Variants in OXR1 observed in about 807,000 individuals in gnomAD.
OXR1 encodes the protein oxidation resistance 1, also known as oxidation resistance protein 1.
OXR1 carries 41 observed loss-of-function variants against 104.6 expected under a neutral mutation model. The ratio of observed to expected loss-of-function variants is 0.39; its 90% CI spans 0.31 to 0.51. OXR1 has a LOEUF of 0.51. Ranked by LOEUF, OXR1 falls within the 20% of genes least tolerant of loss-of-function variation. The pLI, the probability that OXR1 is intolerant of heterozygous loss-of-function variation, is 0.77. For synonymous variants in OXR1, 348 were observed against 348.4 expected (o/e 1.00, Z 0.01); for missense variants, 955 against 1,031.9 (o/e 0.93, Z 1.02).
intron 2 of OXR1, among the ~76,000 whole-genome samples, chr8:106,476,615 C>T (rs941008422): frequency 1.3e-5 from 2 of 151,888 alleles, no homozygotes; most frequent in Admixed American, 6.6e-5. Flanking sequence ...AGGGCACTTT[C>T]ATCTGCACTA....
chr8:106,614,972 T>C (rs1821098563), intron 3 of OXR1, among the ~76,000 whole-genome samples: 2 of 152,184 alleles, frequency 1.3e-5, no homozygotes, highest in South Asian at 4.1e-4. Context: ...ATTTATGTTT[T>C]GTTTGGGGTG....
intron 15 of OXR1, among the ~76,000 whole-genome samples, chr8:106,743,404 C>G (rs1835102188): frequency 6.6e-6 from 1 of 152,204 alleles, no homozygotes; most frequent in African/African-American, 2.4e-5. Flanking sequence ...TCAGTGCAGC[C>G]TTTGCCTTCC....
chr8:106,698,078 G>T, intron 7 of OXR1: 1 of 1,055,342 alleles, frequency 9.5e-7, no homozygotes, highest in South Asian at 1.3e-5. Context: ...ACTCACTCAA[G>T]GCAATGGCTG....
intron 2 of OXR1, among the ~76,000 whole-genome samples, chr8:106,468,983 GTGT>G (rs1821337741): frequency 3.4e-5 from 5 of 148,558 alleles, no homozygotes. Context: ...TCATCCTGAA[GTGT>G]TGTTGTGGTC....
intron 3 of OXR1, among the ~76,000 whole-genome samples, chr8:106,519,583 C>T (rs1281665322): frequency 6.6e-6 from 1 of 152,132 alleles, no homozygotes; most frequent in South Asian, 2.1e-4. Flanking sequence ...CTGTGGTTGA[C>T]GTTAGCCTGT....
At chr8:106,556,005 A>C (rs949105418) in intron 3 of OXR1, among the ~76,000 whole-genome samples, 2 of 150,626 alleles carry the variant, frequency 1.3e-5, no homozygotes, top group Non-Finnish European at 3.0e-5. Context: ...GCTATGATGT[A>C]AATAAAACTT....
At chr8:106,407,779 A>T (rs1481954989) in intron 2 of OXR1, among the ~76,000 whole-genome samples, 1 of 152,094 alleles carries the variant, frequency 6.6e-6, no homozygotes, top group Non-Finnish European at 1.5e-5. Flanking sequence ...GAATGTGCTC[A>T]ATTTTGAGTT....
chr8:106,357,202 A>ATG (rs143745978), intron 1 of OXR1, among the ~76,000 whole-genome samples: 14,019 of 150,776 alleles, frequency 0.093, 728 homozygotes, highest in African/African-American at 0.15. Context: ...ATGTGTATAT[A>ATG]TGTGTGTGTG....
intron 1 of OXR1, among the ~76,000 whole-genome samples, chr8:106,317,433 A>G (rs757907328): frequency 3.9e-5 from 6 of 152,226 alleles, no homozygotes; most frequent in Admixed American, 1.3e-4. Flanking sequence ...ACAGGAAACT[A>G]TACCAAATTT....
chr8:106,686,494 A>G (rs1320416025), intron 6 of OXR1, among the ~76,000 whole-genome samples: 1 of 152,082 alleles, frequency 6.6e-6, no homozygotes, highest in Non-Finnish European at 1.5e-5. Context: ...GACTTTCTGC[A>G]TATCTCAAGT....
intron 3 of OXR1, among the ~76,000 whole-genome samples, chr8:106,581,410 A>T (rs1226290482): frequency 6.6e-6 from 1 of 152,176 alleles, no homozygotes. Flanking sequence ...ATATTTGTTT[A>T]GTGGCCCTTT....
intron 2 of OXR1, among the ~76,000 whole-genome samples, chr8:106,400,449 A>G (rs1034614986): frequency 6.6e-6 from 1 of 152,208 alleles, no homozygotes; most frequent in Non-Finnish European, 1.5e-5. Context: ...AACACAATGA[A>G]TATTTTTAGA....
chr8:106,629,629 A>C (rs1822494009), intron 3 of OXR1, among the ~76,000 whole-genome samples: 1 of 152,252 alleles, frequency 6.6e-6, no homozygotes, highest in African/African-American at 2.4e-5. Flanking sequence ...ATGTAATAAT[A>C]TGTAAAAAAC....
chr8:106,385,410 C>G (rs886690033), intron 2 of OXR1, among the ~76,000 whole-genome samples: 3 of 152,106 alleles, frequency 2.0e-5, no homozygotes, highest in Non-Finnish European at 4.4e-5. Flanking sequence ...TAAAGATGCA[C>G]CCAGATCTTA....
At chr8:106,620,477 G>A (rs1474452179) in intron 3 of OXR1, among the ~76,000 whole-genome samples, 3 of 151,896 alleles carry the variant, frequency 2.0e-5, no homozygotes, top group Non-Finnish European at 4.4e-5. Context: ...TTCCTTACGT[G>A]GCTTATCTGT....
At chr8:106,415,618 C>T (rs990910542) in intron 2 of OXR1, among the ~76,000 whole-genome samples, 29 of 149,856 alleles carry the variant, frequency 1.9e-4, no homozygotes, top group Admixed American at 4.0e-4. Flanking sequence ...GCTTCCTTCT[C>T]GGGAACAGCT....
At chr8:106,505,943 G>A (rs1200706465) in intron 2 of OXR1, among the ~76,000 whole-genome samples, 2 of 152,204 alleles carry the variant, frequency 1.3e-5, no homozygotes, top group Non-Finnish European at 2.9e-5. Context: ...GGTAGTAGGG[G>A]ACCAAGGTCT....
At chr8:106,273,244 G>GAA (rs34496444) in intron 1 of OXR1, among the ~76,000 whole-genome samples, 17 of 129,510 alleles carry the variant, frequency 1.3e-4, no homozygotes, top group African/African-American at 4.7e-4. Context: ...TCATTACAAA[G>GAA]AAAAAAAAAA....
intron 3 of OXR1, among the ~76,000 whole-genome samples, chr8:106,601,744 G>T (rs961771965): frequency 2.0e-5 from 3 of 152,142 alleles, no homozygotes; most frequent in African/African-American, 7.2e-5. Context: ...ACATGAATAA[G>T]ATTTATCATT....
Sources: allele counts gnomAD v4.1 joint callset (sites outside exome capture counted in the v4.1 genomes callset), GRCh38; gene constraint gnomAD v4.1.1; transcripts MANE v1.5; gene names NCBI Gene and HGNC (gene_info 2026-07-23, HGNC 2026-07-21).